Variants in COL21A1 observed in about 807,000 individuals in gnomAD.
The protein encoded by COL21A1 is collagen type XXI alpha 1 chain, also known as collagen alpha-1(XXI) chain.
COL21A1 carries 149 observed loss-of-function variants against 137.9 expected under a neutral mutation model. That is an observed-to-expected ratio of 1.08 (90% CI 0.95 to 1.24). COL21A1 has a LOEUF of 1.24. Among genes scored for constraint, COL21A1 ranks in the 50% most tolerant of loss-of-function variants. COL21A1 has a pLI of 0.00. For missense variants in COL21A1, 1,167 were observed against 1,158.4 expected (o/e 1.01, Z -0.11); for synonymous variants, 456 against 391.5 (o/e 1.16, Z -1.95).
At position 56,168,172 on chromosome 6, in the gene COL21A1, A is replaced by G; in HGVS notation, c.1152T>C (p.Asn384=). The change falls in exon 6 of 30, where the codon AAT becomes AAC. Residue 384 remains asparagine (N), a synonymous_variant. Transcript: ENST00000244728. The part of the protein sequence containing the change: ...PLHPVLGILI[N]GQTQIGKYSG... The stretch of plus-strand genomic sequence containing the variant: ...AATATTTTCCAATTTGGGTTTGCCC[A>G]TTGATCAAGATCCCTAAAACTGGAT... 1 of 1,547,558 alleles carries G rather than the reference A, an allele frequency of 6.5e-7. No homozygotes were observed. The highest frequency in any genetic ancestry group is 8.7e-7 in the Non-Finnish European group (1 of 1,143,040).
At chr6:56,098,044 TATATATAAATATATATAA>T (rs1769691483) in intron 17 of COL21A1, among the ~76,000 whole-genome samples, 2 of 49,862 alleles carry the variant, frequency 4.0e-5, no homozygotes, top group Admixed American at 3.8e-4. Flanking sequence ...AATATATAAA[TATATATAAATATATATAA>T]ATATATAAAT....
At chr6:56,344,900 C>T (rs1187698834) in intron 1 of COL21A1, among the ~76,000 whole-genome samples, 3 of 152,196 alleles carry the variant, frequency 2.0e-5, no homozygotes, top group African/African-American at 4.8e-5. Flanking sequence ...AACCATATTT[C>T]CTGTACAGCC....
intron 10 of COL21A1, among the ~76,000 whole-genome samples, chr6:56,153,864 C>T (rs976740916): frequency 1.8e-4 from 27 of 152,276 alleles, no homozygotes; most frequent in Middle Eastern, 3.4e-3. Context: ...GGTCAGTCCC[C>T]TGCCACCTTC....
At chr6:56,093,195 G>A (rs975687556) in intron 17 of COL21A1, among the ~76,000 whole-genome samples, 9 of 151,926 alleles carry the variant, frequency 5.9e-5, no homozygotes, top group South Asian at 2.1e-4. Flanking sequence ...CTGATGTCTC[G>A]GGGAAGGGTA....
At chr6:56,064,744 T>C (rs1339513463) in intron 23 of COL21A1, 122 bp from the exon 24 acceptor site, 1 of 537,538 alleles carries the variant, frequency 1.9e-6, no homozygotes, top group Non-Finnish European at 3.2e-6. Context: ...GCGATACAAA[T>C]ATATAAATTA....
chr6:56,139,852 G>A (rs1774284624), intron 12 of COL21A1, among the ~76,000 whole-genome samples: 1 of 152,086 alleles, frequency 6.6e-6, no homozygotes, highest in Non-Finnish European at 1.5e-5. Context: ...ATGGGAAAGT[G>A]AGGCTTTGAA....
intron 1 of COL21A1, among the ~76,000 whole-genome samples, chr6:56,183,545 C>T (rs535955608): frequency 5.9e-5 from 9 of 152,106 alleles, no homozygotes; most frequent in East Asian, 1.9e-4. Context: ...ACTAAATATA[C>T]GGAGTAGATA....
chr6:56,369,816 G>A (rs1291264792), intron 1 of COL21A1, among the ~76,000 whole-genome samples: 3 of 152,090 alleles, frequency 2.0e-5, no homozygotes, highest in African/African-American at 7.2e-5. Context: ...AATTAAAACA[G>A]CCACAGTAAA....
chr6:56,220,572 G>A (rs963659635), intron 1 of COL21A1, among the ~76,000 whole-genome samples: 2 of 152,062 alleles, frequency 1.3e-5, no homozygotes, highest in Admixed American at 6.6e-5. Context: ...TAAGAAAGAT[G>A]GAATGCCATT....
intron 1 of COL21A1, among the ~76,000 whole-genome samples, chr6:56,217,573 G>A (rs1271318478): frequency 6.6e-6 from 1 of 152,092 alleles, no homozygotes; most frequent in African/African-American, 2.4e-5. Context: ...AGAATCTGAA[G>A]CACAATAAGG....
intron 1 of COL21A1, among the ~76,000 whole-genome samples, chr6:56,381,303 G>A (rs2206530): frequency 0.33 from 50,417 of 151,958 alleles, 9,012 homozygotes; most frequent in East Asian, 0.64. Context: ...TTAGAAAGGG[G>A]AAAAAATGAA....
At chr6:56,331,820 G>T (rs1390802273) in intron 1 of COL21A1, 1 of 120,448 alleles carries the variant, frequency 8.3e-6, no homozygotes, top group African/African-American at 2.6e-5. Flanking sequence ...CGCATCTGCA[G>T]GTCTAACTCA....
intron 1 of COL21A1, among the ~76,000 whole-genome samples, chr6:56,386,838 A>G (rs1294806689): frequency 3.3e-5 from 5 of 152,148 alleles, no homozygotes; most frequent in Non-Finnish European, 5.9e-5. Flanking sequence ...AGGGAAAGGG[A>G]AAAAAAGATG....
intron 6 of COL21A1, 105 bp downstream of exon 6, chr6:56,168,019 A>G: frequency 1.3e-6 from 1 of 775,020 alleles, no homozygotes; most frequent in Non-Finnish European, 1.9e-6. Flanking sequence ...AACTTAAGGG[A>G]ATTCATAAGT....
chr6:56,168,321 T>C, intron 5 of COL21A1, 24 bp from the exon 6 acceptor site: 1 of 1,501,486 alleles, frequency 6.7e-7, no homozygotes, highest in East Asian at 2.4e-5. Flanking sequence ...GTGTGGAAGA[T>C]TCATAAATAA....
At chr6:56,126,341 A>G in intron 12 of COL21A1, 192 bp from the exon 13 acceptor site, 1 of 516,642 alleles carries the variant, frequency 1.9e-6, no homozygotes, top group South Asian at 2.5e-5. Context: ...ATAATCAGAG[A>G]AGATAAGTAT....
intron 1 of COL21A1, among the ~76,000 whole-genome samples, chr6:56,234,229 C>T (rs1019797536): frequency 2.0e-5 from 3 of 151,566 alleles, no homozygotes; most frequent in African/African-American, 7.3e-5. Flanking sequence ...TTTGTATATG[C>T]TGTTTACAAG....
chr6:56,133,587 C>T (rs1018802114), intron 12 of COL21A1, among the ~76,000 whole-genome samples: 1 of 152,184 alleles, frequency 6.6e-6, no homozygotes. Flanking sequence ...TAATCTCCAA[C>T]AAAATGGCAA....
At position 56,300,296 on chromosome 6, in the gene COL21A1, T is replaced by C. The variant is rs78712547; in HGVS notation, c.-39+93675A>G. On this transcript the variant is annotated intron_variant, in intron 1 of 28. Coordinates refer to the COL21A1 transcript ENST00000370819. ...ATAAGGAGTGGAGAGTGGAATTAGA[T>C]TAAAACAAGGCAGTCATGGGATGAT... Among the ~76,000 whole-genome samples, 430 of 152,178 alleles carry C rather than the reference T, an allele frequency of 2.8e-3. 2 individuals are homozygous for C. Among genetic ancestry groups the C allele is most frequent in the African/African-American group, 0.01 (419 of 41,526 alleles).
Sources: gnomAD v4.1 joint callset for allele counts (sites outside exome capture counted in the v4.1 genomes callset) on GRCh38, gnomAD v4.1.1 for gene constraint, MANE v1.5 for transcripts, NCBI Gene and HGNC (gene_info 2026-07-23, HGNC 2026-07-21) for gene names.